The following DCBLD2 variants were observed in gnomAD, a reference collection of about 807,000 sequenced individuals.
DCBLD2 encodes the protein discoidin, CUB and LCCL domain-containing protein 2.
In DCBLD2, 54 loss-of-function variants were observed where a neutral mutation model predicts 86.8. The observed-to-expected ratio is 0.62, with a 90% CI of 0.50 to 0.78. DCBLD2 has a LOEUF of 0.78. Among genes scored for constraint, DCBLD2 ranks in the 30% least tolerant of loss-of-function variants. The pLI is 0.00. For synonymous variants in DCBLD2, 354 were observed against 341.3 expected, an observed-to-expected ratio of 1.04 and a Z score of -0.41; for missense variants, 908 against 954.2, an observed-to-expected ratio of 0.95 and a Z score of 0.64.
At chr3:98,800,903 T>C (rs2107416791) in intron 14 of DCBLD2, 187 bp from the exon 15 acceptor site, 1 of 680,506 alleles carries the variant, frequency 1.5e-6, no homozygotes, top group Non-Finnish European at 2.4e-6. Context: ...AAGCAGTACA[T>C]GGTAGAAATC....
chr3:98,892,349 C>T (rs1337177947), intron 1 of DCBLD2, among the ~76,000 whole-genome samples: 1 of 152,052 alleles, frequency 6.6e-6, no homozygotes, highest in Non-Finnish European at 1.5e-5. Flanking sequence ...GAGGATGCCT[C>T]TGTTTATCTA....
intron 2 of DCBLD2, among the ~76,000 whole-genome samples, chr3:98,879,206 T>C (rs896761249): frequency 6.6e-6 from 1 of 152,216 alleles, no homozygotes; most frequent in Admixed American, 6.5e-5. Flanking sequence ...GCTTCACTAA[T>C]GTGCCCTTGT....
rs773126257 is a variant in DCBLD2 at position 98,822,241 on chromosome 3, C to T, written c.817G>A (p.Val273Ile). 2.0e-5 allele frequency: 33 copies of T among 1,613,748 alleles called. No homozygotes were observed. In the Admixed American group the frequency reaches 3.5e-4, roughly 17 times the overall value. ...ATATATACTTACACCACAGATGTGA[C>T]GTTGTTAGCCAAAGAACTTTCATAA... ...PYYESSLANNVTSVVGHLSTS... is the reference protein window; with the variant it reads ...PYYESSLANNITSVVGHLSTS... Residue 273 changes from valine (V) to isoleucine (I), a missense_variant, in exon 6 of 16, where the codon GTC becomes ATC. Physicochemically the swap from Val to Ile is conservative, Grantham distance 29. Coordinates refer to ENST00000326840, the MANE Select transcript of DCBLD2 (RefSeq NM_080927.4).
intron 3 of DCBLD2, among the ~76,000 whole-genome samples, chr3:98,837,824 C>A (rs1576172719): frequency 7.2e-6 from 1 of 139,442 alleles, no homozygotes; most frequent in African/African-American, 2.8e-5. Flanking sequence ...GGAGGGCTGA[C>A]CCCCCCACCT....
At chr3:98,857,461 A>G (rs867788046) in intron 2 of DCBLD2, among the ~76,000 whole-genome samples, 3 of 136,850 alleles carry the variant, frequency 2.2e-5, no homozygotes, top group Non-Finnish European at 4.8e-5. Context: ...TTTTACAGAG[A>G]GCCGACTGGT....
chr3:98,835,835 C>T lies in DCBLD2; in HGVS notation c.572-10469G>A, dbSNP rs540156864. On this transcript the variant is annotated intron_variant, in intron 3 of 15. Coordinates refer to ENST00000326840, the MANE Select transcript of DCBLD2 (RefSeq NM_080927.4). ...AAACTGCTGGGATTATAGCGTGAGC[C>T]ACCACGCCTGGCCACTCCATATGCT... Among the ~76,000 whole-genome samples the T allele has an allele frequency of 9.3e-4, 141 of 152,072 alleles. 1 individual carries two copies. Among genetic ancestry groups the T allele is most frequent in the South Asian group, 2.3e-3 (11 of 4,820 alleles).
intron 2 of DCBLD2, among the ~76,000 whole-genome samples, chr3:98,852,623 G>A (rs1300456484): frequency 6.6e-6 from 1 of 152,164 alleles, no homozygotes. Context: ...TGGCAAAACG[G>A]AGATTTTTCT....
intron 1 of DCBLD2, among the ~76,000 whole-genome samples, chr3:98,887,410 G>A (rs72936673): frequency 6.6e-6 from 1 of 151,994 alleles, no homozygotes; most frequent in Non-Finnish European, 1.5e-5. Flanking sequence ...TTTTAGACCA[G>A]AAGTACTATA....
chr3:98,898,674 C>T (rs1449469290), intron 1 of DCBLD2, among the ~76,000 whole-genome samples: 1 of 152,054 alleles, frequency 6.6e-6, no homozygotes. Context: ...TTTAAACAGA[C>T]TTCTTTTCAG....
intron 3 of DCBLD2, among the ~76,000 whole-genome samples, chr3:98,828,807 T>A (rs570558117): frequency 6.6e-6 from 1 of 152,268 alleles, no homozygotes; most frequent in African/African-American, 2.4e-5. Flanking sequence ...TGTATATACA[T>A]ACAATGGAAT....
chr3:98,867,543 G>A (rs1313572506), intron 2 of DCBLD2, among the ~76,000 whole-genome samples: 1 of 152,146 alleles, frequency 6.6e-6, no homozygotes, highest in Non-Finnish European at 1.5e-5. Flanking sequence ...AATAAAGGAA[G>A]ACTTGAATTT....
At chr3:98,865,452 G>C (rs1305784125) in intron 2 of DCBLD2, among the ~76,000 whole-genome samples, 2 of 152,154 alleles carry the variant, frequency 1.3e-5, no homozygotes, top group African/African-American at 4.8e-5. Context: ...ACGGGTTGAA[G>C]GGGGAGTTGG....
At chr3:98,890,541 T>A (rs562299013) in intron 1 of DCBLD2, 2 of 152,200 alleles carry the variant, frequency 1.3e-5, no homozygotes, top group African/African-American at 2.4e-5. Context: ...ACATATCCAA[T>A]GAAACTCTTC....
intron 2 of DCBLD2, among the ~76,000 whole-genome samples, chr3:98,865,011 G>A (rs1943118463): frequency 6.6e-6 from 1 of 152,032 alleles, no homozygotes; most frequent in Admixed American, 6.6e-5. Flanking sequence ...ACTATTGGTG[G>A]GAATCTAAAT....
intron 13 of DCBLD2, among the ~76,000 whole-genome samples, chr3:98,802,367 T>C (rs1941744092): frequency 6.6e-6 from 1 of 152,220 alleles, no homozygotes; most frequent in South Asian, 2.1e-4. Flanking sequence ...TTGAGAAGTG[T>C]CTGTTCATAT....
At chr3:98,881,897 T>C (rs185620759) in intron 1 of DCBLD2, 130 bp from the exon 2 acceptor site, 4 of 864,996 alleles carry the variant, frequency 4.6e-6, no homozygotes, top group East Asian at 2.7e-5. Context: ...TTCTATTTTA[T>C]TTTTTTTAAT....
At chr3:98,876,536 T>C (rs1434520779) in intron 2 of DCBLD2, among the ~76,000 whole-genome samples, 1 of 151,582 alleles carries the variant, frequency 6.6e-6, no homozygotes, top group Non-Finnish European at 1.5e-5. Context: ...TCATTATCAA[T>C]TGGCAAAACT....
intron 2 of DCBLD2, among the ~76,000 whole-genome samples, chr3:98,870,372 T>C (rs1011813187): frequency 6.6e-6 from 1 of 152,208 alleles, no homozygotes; most frequent in Non-Finnish European, 1.5e-5. Context: ...AGATAGCTAA[T>C]GTGATGCCCC....
chr3:98,817,687 T>C, intron 9 of DCBLD2, 82 bp downstream of exon 9: 1 of 1,387,274 alleles, frequency 7.2e-7, no homozygotes, highest in South Asian at 1.3e-5. Context: ...CTTCTACATC[T>C]CTTTTATACA....
Sources: gnomAD v4.1 joint callset for allele counts (sites outside exome capture counted in the v4.1 genomes callset) on GRCh38, gnomAD v4.1.1 for gene constraint, MANE v1.5 for transcripts, NCBI Gene and HGNC (gene_info 2026-07-23, HGNC 2026-07-21) for gene names.